Variants in VAV2 observed in about 807,000 individuals in gnomAD.
VAV2 encodes the protein vav guanine nucleotide exchange factor 2, also known as guanine nucleotide exchange factor VAV2.
In VAV2, 67 loss-of-function variants were observed where a neutral mutation model predicts 132.5. The observed-to-expected ratio is 0.51, with a 90% CI of 0.42 to 0.62. The LOEUF (loss-of-function observed/expected upper bound fraction) is 0.62. VAV2 is among the 20% of genes least tolerant of loss of function. The pLI, the probability that VAV2 is intolerant of heterozygous loss-of-function variation, is 0.00. For missense variants in VAV2, 938 were observed against 1,153.6 expected (o/e 0.81, Z 2.71); for synonymous variants, 492 against 443.5 (o/e 1.11, Z -1.37).
intron 1 of VAV2, among the ~76,000 whole-genome samples, chr9:133,960,813 A>G (rs1841941584): frequency 6.6e-6 from 1 of 152,202 alleles, no homozygotes; most frequent in East Asian, 1.9e-4. Flanking sequence ...AGGGAAGAAG[A>G]ACTCTCATAA....
Position 133,834,660 on chromosome 9 carries a change from C to G in VAV2, c.381-320G>C, listed in dbSNP as rs1836393856. On this transcript the variant is annotated intron_variant, in intron 3 of 29. Transcript: ENST00000371850. This position sits in a 1 kb window ranked among gnomAD's most constrained non-coding sequence, Gnocchi z 5.9. ...CAGAAAGCGTTCATCTGCTGGGCGA[C>G]CTGCCTTCCCCTTTACCCACCCTCC... 6.6e-6 allele frequency among the ~76,000 whole-genome samples: 1 copy of G among 152,248 alleles called. No homozygotes were observed.
In VAV2 at chr9:133,918,357, C is replaced by G. The variant is rs918786501; in HGVS notation, c.321+20746G>C. The stretch of plus-strand genomic sequence containing the variant: ...CTTGTGTCTGCATTTCCCGCACTTT[C>G]ATCTGCTGGTCCGGACCCAGGCCCA... On this transcript the variant is annotated intron_variant, in intron 2 of 29. Coordinates refer to ENST00000371850, the MANE Select transcript of VAV2 (RefSeq NM_001134398.2). This position sits in a 1 kb window ranked among gnomAD's most constrained non-coding sequence, Gnocchi z 4.7. Among the ~76,000 whole-genome samples the G allele has an allele frequency of 1.4e-5, 2 of 147,212 alleles. No homozygotes were observed. The highest frequency in any genetic ancestry group is 1.3e-4 in the Admixed American group (2 of 15,108).
intron 2 of VAV2, among the ~76,000 whole-genome samples, chr9:133,869,450 A>T (rs7043422): frequency 1.9e-4 from 26 of 136,114 alleles, no homozygotes; most frequent in African/African-American, 6.6e-4. Flanking sequence ...TACAAAAAAT[A>T]AAAAAAAAAA....
At chr9:133,798,708 C>CA (rs1371431919) in intron 9 of VAV2, among the ~76,000 whole-genome samples, 1 of 152,212 alleles carries the variant, frequency 6.6e-6, no homozygotes, top group East Asian at 1.9e-4. Flanking sequence ...CAAGAGCCAC[C>CA]ACTCGCTGAG....
At chr9:133,847,320 G>C (rs977104327) in intron 3 of VAV2, among the ~76,000 whole-genome samples, 1 of 152,210 alleles carries the variant, frequency 6.6e-6, no homozygotes, top group Non-Finnish European at 1.5e-5. Context: ...GGACCCCGCA[G>C]CCACCAACCC....
intron 1 of VAV2, among the ~76,000 whole-genome samples, chr9:133,949,957 G>T (rs1461068950): frequency 6.6e-6 from 1 of 152,220 alleles, no homozygotes; most frequent in African/African-American, 2.4e-5. Flanking sequence ...GAGCTCTGCT[G>T]CAAACTTCAA....
intron 2 of VAV2, among the ~76,000 whole-genome samples, chr9:133,911,966 C>T (rs186625848): frequency 2.0e-5 from 3 of 152,330 alleles, no homozygotes; most frequent in African/African-American, 7.2e-5. Flanking sequence ...GGTACACGTG[C>T]AGGATGTGCA....
At chr9:133,910,109 C>A (rs12005036) in intron 2 of VAV2, among the ~76,000 whole-genome samples, 1 of 152,174 alleles carries the variant, frequency 6.6e-6, no homozygotes, top group South Asian at 2.1e-4. Flanking sequence ...TCAGCTTCCC[C>A]CACCCCAGCC....
intron 2 of VAV2, among the ~76,000 whole-genome samples, chr9:133,868,653 C>T (rs577563118): frequency 2.5e-4 from 38 of 152,344 alleles, no homozygotes; most frequent in Non-Finnish European, 4.7e-4. Context: ...GGGCCAGAAG[C>T]GTGCATGTTT....
chr9:133,898,543 G>A (rs1235819473), intron 2 of VAV2, among the ~76,000 whole-genome samples: 1 of 152,012 alleles, frequency 6.6e-6, no homozygotes, highest in Non-Finnish European at 1.5e-5. Flanking sequence ...GCAGTGAGCC[G>A]AGATCGTGCC....
At chr9:133,838,987 G>A (rs964079777) in intron 3 of VAV2, among the ~76,000 whole-genome samples, 1 of 149,132 alleles carries the variant, frequency 6.7e-6, no homozygotes, top group East Asian at 2.0e-4. Context: ...TGGATGAATG[G>A]ATGGATGGGT....
rs1383011395 is a variant in VAV2, at chr9:133,935,819, G to C, written c.321+3284C>G. 6.6e-6 allele frequency among the ~76,000 whole-genome samples: 1 copy of C among 152,194 alleles called. No individual in the cohort carries two copies. Among genetic ancestry groups the C allele is most frequent in the Non-Finnish European group, 1.5e-5 (1 of 68,034 alleles). ...CTGGCGGGGCCGAGGCCAGGCCCAC[G>C]CTGAAGGGCAAGTGCGGGTTCCGGC... On this transcript the variant is annotated intron_variant, in intron 2 of 29. Coordinates refer to ENST00000371850, the MANE Select transcript of VAV2 (RefSeq NM_001134398.2). The surrounding 1 kb of genome is among the most constrained non-coding windows in gnomAD (Gnocchi z 5.2).
In VAV2 at chr9:133,969,643, C is replaced by A. The variant is rs1365103826; in HGVS notation, c.204+22432G>T. ...CCCCTAGGGCCAACTCCAGATGAGC[C>A]CCACTGTCCATCGCACTGCTCAAGC... On this transcript the variant is annotated intron_variant, in intron 1 of 29. Transcript: ENST00000371850. This position sits in a 1 kb window ranked among gnomAD's most constrained non-coding sequence, Gnocchi z 5.1. Among the ~76,000 whole-genome samples, 1 of 152,136 alleles carries A rather than the reference C, an allele frequency of 6.6e-6. No homozygotes were observed. Among genetic ancestry groups the A allele is most frequent in the African/African-American group, 2.4e-5 (1 of 41,424 alleles).
intron 2 of VAV2, among the ~76,000 whole-genome samples, chr9:133,900,539 T>C (rs1391945734): frequency 6.6e-6 from 1 of 152,122 alleles, no homozygotes; most frequent in Non-Finnish European, 1.5e-5. Flanking sequence ...CTGTAGGTCA[T>C]AAGACCCACC....
chr9:133,961,153 C>T lies in VAV2; in HGVS notation c.205-21934G>A, dbSNP rs996437046. On this transcript the variant is annotated intron_variant, in intron 1 of 29. Transcript: ENST00000371850. This position sits in a 1 kb window ranked among gnomAD's most constrained non-coding sequence, Gnocchi z 4.1. ...GTTAGCCCAACACGGACCAAGGCCA[C>T]CTCGGCTTCATTCACCAAGCGGTCC... Among the ~76,000 whole-genome samples the T allele has an allele frequency of 1.3e-5, 2 of 152,254 alleles. No homozygotes were observed. The highest frequency in any genetic ancestry group is 2.9e-5 in the Non-Finnish European group (2 of 68,044).
intron 1 of VAV2, among the ~76,000 whole-genome samples, chr9:133,952,564 T>C (rs1181823750): frequency 1.3e-5 from 2 of 151,184 alleles, no homozygotes; most frequent in Non-Finnish European, 2.9e-5. Flanking sequence ...GATCGCACCA[T>C]TGCACTCCAG....
chr9:133,772,339 G>A (rs1173543847), intron 25 of VAV2, among the ~76,000 whole-genome samples: 2 of 152,164 alleles, frequency 1.3e-5, no homozygotes, highest in African/African-American at 4.8e-5. Context: ...CTGGGCTTCT[G>A]CTCATTTGCT....
chr9:133,851,616 A>G (rs1837169928), intron 3 of VAV2, among the ~76,000 whole-genome samples: 1 of 152,220 alleles, frequency 6.6e-6, no homozygotes. Context: ...ACTGAGACCA[A>G]TCGCGTTATA....
chr9:133,939,308 T>G, intron 1 of VAV2, 89 bp from the exon 2 acceptor site: 21 of 1,156,528 alleles, frequency 1.8e-5, no homozygotes, highest in Non-Finnish European at 2.7e-5. Context: ...CAGCAAGCTC[T>G]GGCTTCCGTG....
Sources: gnomAD v4.1 joint callset for allele counts (sites outside exome capture counted in the v4.1 genomes callset) on GRCh38, gnomAD v4.1.1 for gene constraint, Gnocchi (gnomAD v3.1) non-coding constraint, MANE v1.5 for transcripts, NCBI Gene and HGNC (gene_info 2026-07-23, HGNC 2026-07-21) for gene names.